INPP4B: variants seen among roughly 807,000 people sequenced by gnomAD.
INPP4B encodes inositol polyphosphate-4-phosphatase type II B, also known as inositol polyphosphate 4-phosphatase type II.
In INPP4B, 55 loss-of-function variants were observed where a neutral mutation model predicts 122.5. The ratio of observed to expected loss-of-function variants is 0.45; its 90% CI spans 0.36 to 0.56. INPP4B has a LOEUF of 0.56. INPP4B is among the 20% of genes least tolerant of loss of function. INPP4B has a pLI of 0.00. For missense variants in INPP4B, 1,000 were observed against 1,097.7 expected (o/e 0.91, Z 1.26); for synonymous variants, 403 against 388.7 (o/e 1.04, Z -0.43).
intron 2 of INPP4B, among the ~76,000 whole-genome samples, chr4:142,556,496 A>C (rs1187592176): frequency 1.3e-5 from 2 of 152,202 alleles, no homozygotes; most frequent in Non-Finnish European, 2.9e-5. Context: ...ATACTTGGGT[A>C]GTTTTGGGAA....
chr4:142,753,638 T>A (rs1001612457), intron 1 of INPP4B, among the ~76,000 whole-genome samples: 1 of 152,048 alleles, frequency 6.6e-6, no homozygotes, highest in Non-Finnish European at 1.5e-5. Flanking sequence ...CCCAAAAGCT[T>A]CCATAAATTT....
At position 142,650,619 on chromosome 4, in the gene INPP4B, A is replaced by G. The variant is rs1411546214; in HGVS notation, c.-191+75220T>C. Among the ~76,000 whole-genome samples the G allele has an allele frequency of 1.3e-5, 2 of 152,196 alleles. 1 individual carries two copies. Among genetic ancestry groups the G allele is most frequent in the South Asian group, 4.1e-4 (2 of 4,836 alleles). ...GAAACCAACAAAGATCAAAAGAGAC[A>G]AAGAAGGCCATCACACAATGGTAAA... On this transcript the variant is annotated intron_variant, in intron 2 of 25. Coordinates refer to ENST00000262992, the MANE Select transcript of INPP4B (RefSeq NM_001101669.3).
At chr4:142,622,343 C>G (rs1383893898) in intron 2 of INPP4B, among the ~76,000 whole-genome samples, 1 of 151,678 alleles carries the variant, frequency 6.6e-6, no homozygotes, top group African/African-American at 2.4e-5. Flanking sequence ...AAAAAAGTCC[C>G]CATCCCTTAA....
Position 142,112,420 on chromosome 4 carries a change from A to T in INPP4B, c.2276+122T>A, listed in dbSNP as rs954283183. The T allele has an allele frequency of 4.7e-6, 5 of 1,058,644 alleles. No individual in the cohort carries two copies. In the African/African-American group the frequency reaches 6.6e-5, roughly 14 times the overall value. The allele number at this position is 1,058,644 out of a possible 1,614,324, so 65.6% of individuals were successfully genotyped here. ...CTATCTCAAATAATTTGATACTGAT[A>T]AAAAGAAAAATGTTACTCATAAATT... On this transcript the variant is annotated intron_variant, in intron 22 of 25. Transcript: ENST00000262992.
chr4:142,122,938 T>A (rs3775639), intron 20 of INPP4B, among the ~76,000 whole-genome samples: 1 of 151,988 alleles, frequency 6.6e-6, no homozygotes, highest in African/African-American at 2.4e-5. Context: ...CACATTTCAA[T>A]TACCCAAAAG....
intron 18 of INPP4B, among the ~76,000 whole-genome samples, chr4:142,144,337 A>G (rs1218753802): frequency 6.6e-6 from 1 of 152,008 alleles, no homozygotes; most frequent in Non-Finnish European, 1.5e-5. Context: ...AACAAAAAAT[A>G]TAACAAAATC....
intron 1 of INPP4B, among the ~76,000 whole-genome samples, chr4:142,840,641 A>G (rs1183531179): frequency 1.3e-5 from 2 of 152,138 alleles, no homozygotes; most frequent in African/African-American, 2.4e-5. Flanking sequence ...ATGTAAATAA[A>G]TTATGTTTAA....
chr4:142,427,177 A>G (rs1280159838), intron 5 of INPP4B: 3 of 195,116 alleles, frequency 1.5e-5, no homozygotes, highest in Non-Finnish European at 3.1e-5. Flanking sequence ...TTTTTAAAAA[A>G]TTCTTCAAGA....
chr4:142,628,213 A>G (rs1038806325), intron 2 of INPP4B, among the ~76,000 whole-genome samples: 53 of 149,164 alleles, frequency 3.6e-4, no homozygotes, highest in South Asian at 2.8e-3. Context: ...CATATACACC[A>G]TGGAATACTA....
intron 15 of INPP4B, among the ~76,000 whole-genome samples, chr4:142,189,110 T>C (rs1834564014): frequency 6.6e-6 from 1 of 152,148 alleles, no homozygotes; most frequent in Non-Finnish European, 1.5e-5. Flanking sequence ...CTCCTTACAG[T>C]AGTAAGAAAA....
At chr4:142,635,758 T>C (rs1749011134) in intron 2 of INPP4B, among the ~76,000 whole-genome samples, 1 of 152,084 alleles carries the variant, frequency 6.6e-6, no homozygotes, top group South Asian at 2.1e-4. Flanking sequence ...CTAATGGTTA[T>C]TAGGCTTAAT....
At chr4:142,231,870 G>A (rs10001631) in intron 12 of INPP4B, among the ~76,000 whole-genome samples, 21,311 of 152,078 alleles carry the variant, frequency 0.14, 1,814 homozygotes, top group African/African-American at 0.24. Context: ...ATTATAAAAA[G>A]AAAGTATAGG....
At chr4:142,302,234 T>C (rs538527027) in intron 9 of INPP4B, among the ~76,000 whole-genome samples, 256 of 152,244 alleles carry the variant, frequency 1.7e-3, no homozygotes, top group African/African-American at 5.9e-3. Context: ...CTCCCTGGCA[T>C]AGGACCACTC....
intron 5 of INPP4B, among the ~76,000 whole-genome samples, chr4:142,419,483 A>T (rs2149298904): frequency 6.6e-6 from 1 of 152,224 alleles, no homozygotes; most frequent in East Asian, 1.9e-4. Flanking sequence ...GCTGAGAATA[A>T]TCTCTTTGTC....
At chr4:142,265,788 T>G (rs139658385) in intron 10 of INPP4B, among the ~76,000 whole-genome samples, 1 of 152,312 alleles carries the variant, frequency 6.6e-6, no homozygotes, top group African/African-American at 2.4e-5. Context: ...CACCTCCTAT[T>G]TCTGGAACAG....
chr4:142,050,440 TTAGC>T (rs1321797103), intron 25 of INPP4B, among the ~76,000 whole-genome samples: 1 of 152,018 alleles, frequency 6.6e-6, no homozygotes, highest in African/African-American at 2.4e-5. Context: ...AAAAAGATTA[TTAGC>T]TAGTGGATTC....
intron 2 of INPP4B, among the ~76,000 whole-genome samples, chr4:142,657,733 G>A (rs935554982): frequency 6.6e-6 from 1 of 152,114 alleles, no homozygotes; most frequent in Non-Finnish European, 1.5e-5. Flanking sequence ...GACTAAATAG[G>A]TTATAAAATG....
At chr4:142,042,919 C>CTTTTTTTTTTTTTTTT (rs1458853714) in intron 25 of INPP4B, among the ~76,000 whole-genome samples, 17 of 152,084 alleles carry the variant, frequency 1.1e-4, no homozygotes, top group African/African-American at 4.1e-4. Context: ...TGCTTCTGTT[C>CTTTTTTTTTTTTTTTT]TTTTTTGCTG....
At chr4:142,584,578 G>T (rs1428356190) in intron 2 of INPP4B, among the ~76,000 whole-genome samples, 2 of 152,072 alleles carry the variant, frequency 1.3e-5, no homozygotes. Context: ...ACCAGGATTT[G>T]GGGAGGAAGT....
Sources: allele counts gnomAD v4.1 joint callset (sites outside exome capture counted in the v4.1 genomes callset), GRCh38; gene constraint gnomAD v4.1.1; transcripts MANE v1.5; gene names NCBI Gene and HGNC (gene_info 2026-07-23, HGNC 2026-07-21).